Variants in ST6GALNAC5 observed in about 807,000 individuals in gnomAD.
The protein encoded by ST6GALNAC5 is ST6 N-acetylgalactosaminide alpha-2,6-sialyltransferase 5.
Under a neutral mutation model 33.6 loss-of-function variants are expected in ST6GALNAC5, and 27 were observed. That is an observed-to-expected ratio of 0.80 (90% CI 0.59 to 1.11). The LOEUF is 1.11. Among genes scored for constraint, ST6GALNAC5 ranks in the 50% least tolerant of loss-of-function variants. The pLI is 0.00. For missense variants in ST6GALNAC5, 428 were observed against 454.0 expected (o/e 0.94, Z 0.52); for synonymous variants, 194 against 171.2 (o/e 1.13, Z -1.04).
At chr1:77,038,740 T>G (rs1651739005) in intron 2 of ST6GALNAC5, among the ~76,000 whole-genome samples, 1 of 152,200 alleles carries the variant, frequency 6.6e-6, no homozygotes, top group African/African-American at 2.4e-5. Context: ...AAATCAGACC[T>G]TGATTCCCTG....
intron 2 of ST6GALNAC5, among the ~76,000 whole-genome samples, chr1:77,015,484 C>T (rs933725144): frequency 5.9e-5 from 9 of 152,130 alleles, no homozygotes; most frequent in Non-Finnish European, 2.9e-5. Flanking sequence ...TCAGTCCTCA[C>T]AGGGCTCACA....
At chr1:76,923,288 A>C (rs1647052921) in intron 2 of ST6GALNAC5, among the ~76,000 whole-genome samples, 1 of 152,024 alleles carries the variant, frequency 6.6e-6, no homozygotes. Context: ...AATGAAAAAA[A>C]AAAAGGAGTG....
chr1:77,016,483 T>C (rs1305786329), intron 2 of ST6GALNAC5, among the ~76,000 whole-genome samples: 1 of 152,062 alleles, frequency 6.6e-6, no homozygotes, highest in African/African-American at 2.4e-5. Context: ...ATGCCTTTTC[T>C]ACAAAGTGCA....
intron 2 of ST6GALNAC5, among the ~76,000 whole-genome samples, chr1:76,966,275 C>T (rs182942050): frequency 4.6e-5 from 7 of 152,114 alleles, no homozygotes; most frequent in Non-Finnish European, 1.0e-4. Flanking sequence ...TCTTTTATTT[C>T]GTTGGGAAGT....
intron 2 of ST6GALNAC5, among the ~76,000 whole-genome samples, chr1:76,947,675 G>A (rs1229014179): frequency 6.6e-6 from 1 of 152,092 alleles, no homozygotes; most frequent in Non-Finnish European, 1.5e-5. Flanking sequence ...GAGCCCAGGA[G>A]TTCAAGGCTG....
At chr1:77,023,138 G>A (rs2100438864) in intron 2 of ST6GALNAC5, among the ~76,000 whole-genome samples, 1 of 152,318 alleles carries the variant, frequency 6.6e-6, no homozygotes, top group South Asian at 2.1e-4. Flanking sequence ...GCCAAGGGAA[G>A]AGGACTCAGA....
At chr1:76,893,498 A>G (rs61785564) in intron 2 of ST6GALNAC5, among the ~76,000 whole-genome samples, 2 of 152,206 alleles carry the variant, frequency 1.3e-5, no homozygotes, top group African/African-American at 2.4e-5. Flanking sequence ...AATCCGCTGT[A>G]TAATGTGTAA....
Position 76,957,535 on chromosome 1 carries a change from C to G in ST6GALNAC5, c.262-86669C>G, listed in dbSNP as rs1256508872. On this transcript the variant is annotated intron_variant, in intron 2 of 4. Coordinates refer to ENST00000477717, the MANE Select transcript of ST6GALNAC5 (RefSeq NM_030965.3). Reference sequence around the variant, plus strand: ...TTGGTGGATATTATTTAGCTCAGTACACCTGTAGTCACCAATTGTTAACAT... The same window carrying G: ...TTGGTGGATATTATTTAGCTCAGTAGACCTGTAGTCACCAATTGTTAACAT... Among the ~76,000 whole-genome samples the G allele has an allele frequency of 2.0e-5, 3 of 152,156 alleles. No homozygotes were observed. In the East Asian group the frequency reaches 5.8e-4, roughly 29 times the overall value.
At position 76,916,712 on chromosome 1, in the gene ST6GALNAC5, G is replaced by A. The variant is rs192396314; in HGVS notation, c.261+47970G>A. On this transcript the variant is annotated intron_variant, in intron 2 of 4. Transcript: ENST00000477717. The stretch of plus-strand genomic sequence containing the variant: ...TGTCATAAGCCTTTTAAAAAAAAAC[G>A]ATTGTGTTTACCAATATAGAATATG... 3.8e-4 allele frequency among the ~76,000 whole-genome samples: 55 copies of A among 145,420 alleles called. No individual in the cohort carries two copies. In the East Asian group the frequency reaches 9.1e-3, roughly 24 times the overall value.
chr1:76,871,701 T>G (rs188688964), intron 2 of ST6GALNAC5, among the ~76,000 whole-genome samples: 1 of 152,252 alleles, frequency 6.6e-6, no homozygotes, highest in East Asian at 1.9e-4. Context: ...AAATATCACT[T>G]TTCATGGTCA....
intron 2 of ST6GALNAC5, among the ~76,000 whole-genome samples, chr1:76,898,157 A>G (rs540980901): frequency 6.6e-6 from 1 of 152,310 alleles, no homozygotes; most frequent in South Asian, 2.1e-4. Flanking sequence ...GGGGTCTCAC[A>G]CAGATGGGAT....
At position 77,065,130 on chromosome 1, in the gene ST6GALNAC5, C is replaced by T. The variant is rs1652729648; in HGVS notation, c.*1924C>T. 6.6e-6 allele frequency: 1 copy of T among 152,168 alleles called. No individual in the cohort carries two copies. Among genetic ancestry groups the T allele is most frequent in the African/African-American group, 2.4e-5 (1 of 41,446 alleles). 9.4% of individuals were successfully genotyped at this position (152,168 alleles called of 1,614,324 possible). A position where few individuals can be genotyped will look rare whatever the true frequency, so the allele number is the denominator to read the frequency against. On this transcript the variant is annotated 3_prime_UTR_variant, in exon 5 of 5. Transcript: ENST00000477717. ...CAGCATGGACTCTGAACACATCATA[C>T]TTTATCAACATATGAAAAAGTGTAT...
intron 2 of ST6GALNAC5, among the ~76,000 whole-genome samples, chr1:76,912,032 G>A (rs1646919128): frequency 6.6e-6 from 1 of 151,896 alleles, no homozygotes; most frequent in South Asian, 2.1e-4. Flanking sequence ...GTCAATTTTG[G>A]ATCTTTCCTG....
chr1:76,977,509 C>T lies in ST6GALNAC5; in HGVS notation c.262-66695C>T, dbSNP rs1181329896. On this transcript the variant is annotated intron_variant, in intron 2 of 4. Transcript: ENST00000477717. ...CTTCCCCAGCCTCTGATAACCTCTA[C>T]TCTCTATTTCTATGAGGTCAACTTT... Among the ~76,000 whole-genome samples, 3 of 152,156 alleles carry T rather than the reference C, an allele frequency of 2.0e-5. No individual in the cohort carries two copies. The East Asian group carries it at 5.8e-4, about 29-fold the overall frequency.
chr1:76,877,359 G>T (rs184665269), intron 2 of ST6GALNAC5, among the ~76,000 whole-genome samples: 1 of 152,184 alleles, frequency 6.6e-6, no homozygotes, highest in African/African-American at 2.4e-5. Context: ...CTGTTGCAGA[G>T]CCTTCTCCTG....
intron 2 of ST6GALNAC5, among the ~76,000 whole-genome samples, chr1:76,937,140 C>T (rs1272321805): frequency 6.6e-6 from 1 of 151,854 alleles, no homozygotes; most frequent in Non-Finnish European, 1.5e-5. Context: ...AACATAGCAG[C>T]ACTAATAGAA....
At chr1:77,058,184 G>A (rs1652462405) in intron 4 of ST6GALNAC5, among the ~76,000 whole-genome samples, 4 of 152,192 alleles carry the variant, frequency 2.6e-5, no homozygotes, top group Admixed American at 2.6e-4. Flanking sequence ...GAGTCAACTG[G>A]CTTTGGTCCA....
chr1:77,026,204 A>C (rs1651226566), intron 2 of ST6GALNAC5, among the ~76,000 whole-genome samples: 1 of 152,008 alleles, frequency 6.6e-6, no homozygotes, highest in Non-Finnish European at 1.5e-5. Flanking sequence ...TTTGGAAAAA[A>C]GAGCCCTGGG....
At chr1:76,996,048 C>T (rs760445084) in intron 2 of ST6GALNAC5, among the ~76,000 whole-genome samples, 120 of 152,336 alleles carry the variant, frequency 7.9e-4, no homozygotes, top group Non-Finnish European at 1.1e-3. Flanking sequence ...AGAACTTTCA[C>T]AAACATGGCC....
Sources: allele counts gnomAD v4.1 joint callset (sites outside exome capture counted in the v4.1 genomes callset), GRCh38; gene constraint gnomAD v4.1.1; transcripts MANE v1.5; gene names NCBI Gene and HGNC (gene_info 2026-07-23, HGNC 2026-07-21).